Variants in HIVEP3 observed in about 807,000 individuals in gnomAD.
The protein encoded by HIVEP3 is HIVEP zinc finger 3.
In HIVEP3, 49 loss-of-function variants were observed where a neutral mutation model predicts 152.8. The observed-to-expected ratio is 0.32, with a 90% confidence interval of 0.26 to 0.41. The LOEUF is 0.41. HIVEP3 is among the 10% of genes least tolerant of loss of function. The pLI is 1.00. For synonymous variants in HIVEP3, 1,269 were observed against 1,289.0 expected (o/e 0.98, Z 0.33); for missense variants, 2,790 against 3,103.3 (o/e 0.90, Z 2.40).
chr1:41,518,853 G>T (rs1219920252), intron 6 of HIVEP3, among the ~76,000 whole-genome samples: 3 of 144,512 alleles, frequency 2.1e-5, no homozygotes, highest in Non-Finnish European at 4.5e-5. Flanking sequence ...TTTAAGTCTG[G>T]CCCTAGTAGC....
intron 1 of HIVEP3, among the ~76,000 whole-genome samples, chr1:41,809,993 A>T (rs1158567451): frequency 6.6e-6 from 1 of 152,222 alleles, no homozygotes; most frequent in Non-Finnish European, 1.5e-5. Context: ...TGCACACACC[A>T]GATGCATGTG....
intron 2 of HIVEP3, among the ~76,000 whole-genome samples, chr1:41,681,455 A>C (rs1331830357): frequency 6.6e-6 from 1 of 152,190 alleles, no homozygotes; most frequent in East Asian, 1.9e-4. Flanking sequence ...GGTGACTCAC[A>C]GTTGAACTAA....
At chr1:41,991,624 G>C (rs1407628368) in intron 1 of HIVEP3, among the ~76,000 whole-genome samples, 4 of 151,432 alleles carry the variant, frequency 2.6e-5, no homozygotes, top group Admixed American at 1.3e-4. Context: ...TAGAAAAAGA[G>C]GGAATCCTCC....
At chr1:41,886,518 G>A (rs2124433984) in intron 1 of HIVEP3, among the ~76,000 whole-genome samples, 1 of 152,088 alleles carries the variant, frequency 6.6e-6, no homozygotes, top group African/African-American at 2.4e-5. Flanking sequence ...TTCAAGACCA[G>A]CCTGACCAAC....
intron 5 of HIVEP3, among the ~76,000 whole-genome samples, chr1:41,530,120 CT>C (rs1189852695): frequency 6.6e-6 from 1 of 152,056 alleles, no homozygotes; most frequent in Non-Finnish European, 1.5e-5. Flanking sequence ...TTTTTGTCAC[CT>C]CAGATTTGGC....
At chr1:41,864,440 A>T (rs545883667) in intron 1 of HIVEP3, 1 of 152,500 alleles carries the variant, frequency 6.6e-6, no homozygotes, top group East Asian at 1.9e-4. Context: ...AGCTGTGGCC[A>T]TCTTCAGGCT....
rs1444792045 is a variant in HIVEP3 at position 41,781,575 on chromosome 1, C to T, written c.-800-80580G>A. 3.3e-5 allele frequency among the ~76,000 whole-genome samples: 5 copies of T among 152,168 alleles called. No individual in the cohort carries two copies. The East Asian group carries it at 9.6e-4, about 29-fold the overall frequency. ...GGCCTTCTAGCTGGAGTCTTTCTCA[C>T]TTGAAGACCATCTTCCATATGGCCA... On this transcript the variant is annotated intron_variant, in intron 1 of 8. Transcript: ENST00000372583.
At chr1:41,786,145 G>A (rs1209748281) in intron 1 of HIVEP3, among the ~76,000 whole-genome samples, 1 of 152,194 alleles carries the variant, frequency 6.6e-6, no homozygotes, top group East Asian at 1.9e-4. Flanking sequence ...CTTACACTGT[G>A]GTCCTAGGCA....
At chr1:41,712,535 T>C (rs1205251335) in intron 1 of HIVEP3, among the ~76,000 whole-genome samples, 1 of 152,202 alleles carries the variant, frequency 6.6e-6, no homozygotes, top group East Asian at 1.9e-4. Context: ...GCCGATGGTT[T>C]AGGCAGATGG....
At chr1:41,860,944 G>C (rs1056476749) in intron 1 of HIVEP3, among the ~76,000 whole-genome samples, 2 of 152,224 alleles carry the variant, frequency 1.3e-5, no homozygotes, top group Non-Finnish European at 2.9e-5. Context: ...TTCCAGGAGG[G>C]AGGTGGAATC....
chr1:41,545,765 TACCATCACCACCACCACCACCACC>T (rs1316850089), intron 5 of HIVEP3, among the ~76,000 whole-genome samples: 2,081 of 38,684 alleles, frequency 0.054, 41 homozygotes, highest in African/African-American at 0.17. Context: ...CCACCACCAC[TACCATCACCACCACCACCACCACC>T]ACCATCACCA....
At chr1:41,570,863 C>T (rs903554927) in intron 5 of HIVEP3, among the ~76,000 whole-genome samples, 1 of 152,186 alleles carries the variant, frequency 6.6e-6, no homozygotes. Flanking sequence ...AGGAAAGATA[C>T]GGAGGTGAGC....
intron 1 of HIVEP3, among the ~76,000 whole-genome samples, chr1:41,702,747 C>T (rs184401747): frequency 2.0e-5 from 3 of 152,338 alleles, no homozygotes; most frequent in African/African-American, 7.2e-5. Flanking sequence ...GCCGGTCTCC[C>T]AGCAGATATT....
In HIVEP3 at chr1:41,981,106, C is replaced by T. The variant is rs114662049; in HGVS notation, n.119+54701G>A. 2.0e-3 allele frequency among the ~76,000 whole-genome samples: 311 copies of T among 152,264 alleles called. 2 individuals are homozygous for T. Among genetic ancestry groups the T allele is most frequent in the African/African-American group, 6.9e-3 (286 of 41,554 alleles). ...TCTGCAAGGTGTGGGTGAGCTCTGG[C>T]AAGCTGGGCCCAGAGGCAAGGAGAG... is the stretch of plus-strand genomic sequence containing the variant. On this transcript the variant is annotated intron_variant and non_coding_transcript_variant, in intron 1 of 3. Coordinates refer to the HIVEP3 transcript ENST00000489103.
At chr1:41,806,275 T>C (rs1256846819) in intron 1 of HIVEP3, among the ~76,000 whole-genome samples, 3 of 152,148 alleles carry the variant, frequency 2.0e-5, no homozygotes, top group Non-Finnish European at 4.4e-5. Context: ...TTGGATGACA[T>C]AACCTTAGGA....
At chr1:42,029,733 C>G (rs1367373159) in intron 1 of HIVEP3, among the ~76,000 whole-genome samples, 4 of 152,166 alleles carry the variant, frequency 2.6e-5, no homozygotes, top group Non-Finnish European at 4.4e-5. Flanking sequence ...GAAACTAGCA[C>G]TAATTAGAAT....
intron 1 of HIVEP3, among the ~76,000 whole-genome samples, chr1:41,981,489 G>A (rs1166123225): frequency 2.0e-5 from 3 of 151,652 alleles, no homozygotes; most frequent in Non-Finnish European, 4.4e-5. Flanking sequence ...CCTCTGCTGA[G>A]CTGGCGGCTG....
chr1:41,808,247 G>A (rs1262816939), intron 1 of HIVEP3, among the ~76,000 whole-genome samples: 3 of 152,374 alleles, frequency 2.0e-5, no homozygotes, highest in Non-Finnish European at 2.9e-5. Context: ...AGGCTCCAGA[G>A]GGCATGCTCT....
chr1:41,959,256 G>T (rs746618700), intron 1 of HIVEP3, among the ~76,000 whole-genome samples: 5 of 152,208 alleles, frequency 3.3e-5, no homozygotes, highest in Non-Finnish European at 4.4e-5. Flanking sequence ...GTGACAAGTT[G>T]ATTTACTCCC....
Sources: allele counts gnomAD v4.1 joint callset (sites outside exome capture counted in the v4.1 genomes callset), GRCh38; gene constraint gnomAD v4.1.1; transcripts MANE v1.5; gene names NCBI Gene and HGNC (gene_info 2026-07-23, HGNC 2026-07-21).